The following YTHDF2 variants were observed in gnomAD, a reference collection of about 807,000 sequenced individuals.
YTHDF2 encodes YTH N6-methyladenosine RNA binding protein F2, also known as YTH domain-containing family protein 2.
YTHDF2 carries 2 observed loss-of-function variants against 50.4 expected under a neutral mutation model. The observed-to-expected ratio is 0.04, with a 90% confidence interval of 0.02 to 0.12. The LOEUF is 0.12. Ranked by LOEUF, YTHDF2 falls within the 10% of genes least tolerant of loss-of-function variation. The pLI, the probability that YTHDF2 is intolerant of heterozygous loss-of-function variation, is 1.00. For missense variants in YTHDF2, 483 were observed against 722.6 expected (o/e 0.67, Z 3.80); for synonymous variants, 217 against 255.6 (o/e 0.85, Z 1.44).
chr1:28,765,468 C>T (rs2088202260), intron 4 of YTHDF2, among the ~76,000 whole-genome samples: 1 of 152,040 alleles, frequency 6.6e-6, no homozygotes, highest in Admixed American at 6.6e-5. Context: ...CCCAGGCTGC[C>T]AGGCTAGAAT....
intron 4 of YTHDF2, among the ~76,000 whole-genome samples, chr1:28,747,183 G>A (rs978075596): frequency 6.6e-6 from 1 of 152,176 alleles, no homozygotes; most frequent in Non-Finnish European, 1.5e-5. Context: ...TGTAAGATTC[G>A]TTTGTTGGAA....
intron 4 of YTHDF2, among the ~76,000 whole-genome samples, chr1:28,761,545 C>T (rs931648379): frequency 3.3e-5 from 5 of 152,144 alleles, no homozygotes; most frequent in African/African-American, 9.7e-5. Context: ...CGAGACCATC[C>T]TGACCAACAT....
intron 4 of YTHDF2, among the ~76,000 whole-genome samples, chr1:28,756,265 G>A (rs2088034082): frequency 6.6e-6 from 1 of 152,162 alleles, no homozygotes; most frequent in Non-Finnish European, 1.5e-5. Flanking sequence ...TTTTGATTTT[G>A]ATGTGGCTAA....
Position 28,743,921 on chromosome 1 carries a change from A to G in YTHDF2, c.1651A>G (p.Thr551Ala). 6.3e-7 allele frequency: 1 copy of G among 1,592,954 alleles called. No homozygotes were observed. Among genetic ancestry groups the G allele is most frequent in the Non-Finnish European group, 8.5e-7 (1 of 1,171,622 alleles). Residue 551 changes from threonine (T) to alanine (A), a missense_variant, in exon 4 of 5, where the codon ACT becomes GCT. By Grantham distance (58) the Thr-to-Ala change is moderately conservative. This residue lies in a region of YTHDF2 where 38 missense variants were observed against 60.1 expected (regional missense o/e 0.63). Transcript: ENST00000373812. This position sits in a 1 kb window ranked among gnomAD's most constrained non-coding sequence, Gnocchi z 6.9. ...LKIIASYKHT[T>A]SIFDDFSHYE... The stretch of plus-strand genomic sequence containing the variant: ...AATTATAGCCAGCTACAAGCACACC[A>G]CTTCCATTTTTGATGACTTCTCACA...
At chr1:28,758,072 T>C (rs761431946) in intron 4 of YTHDF2, among the ~76,000 whole-genome samples, 7 of 152,210 alleles carry the variant, frequency 4.6e-5, no homozygotes, top group Non-Finnish European at 7.3e-5. Flanking sequence ...CCCAAGGCTC[T>C]TTTTGTTTTT....
At chr1:28,737,227 G>A in intron 1 of YTHDF2, 80 bp downstream of exon 1, 1 of 1,487,072 alleles carries the variant, frequency 6.7e-7, no homozygotes, top group South Asian at 1.3e-5. Flanking sequence ...CCGCTCCTGG[G>A]CAGGCCGAGC....
intron 1 of YTHDF2, 46 bp downstream of exon 1, chr1:28,737,193 G>A: frequency 1.3e-6 from 2 of 1,534,812 alleles, no homozygotes; most frequent in South Asian, 2.4e-5. Flanking sequence ...GAGGCGAGAA[G>A]GAGCCCGACT....
At chr1:28,740,055 T>A (rs2087752755) in intron 3 of YTHDF2, among the ~76,000 whole-genome samples, 1 of 152,196 alleles carries the variant, frequency 6.6e-6, no homozygotes, top group South Asian at 2.1e-4. Flanking sequence ...ACTTGTAGAA[T>A]CCCTGTGTAA....
At chr1:28,741,537 C>G (rs1376448611) in intron 3 of YTHDF2, among the ~76,000 whole-genome samples, 1 of 152,064 alleles carries the variant, frequency 6.6e-6, no homozygotes, top group Non-Finnish European at 1.5e-5. Context: ...CTCAAGTCAT[C>G]CACCCCTCTG....
intron 4 of YTHDF2, among the ~76,000 whole-genome samples, chr1:28,753,423 C>T (rs983209018): frequency 2.2e-5 from 3 of 135,166 alleles, no homozygotes; most frequent in African/African-American, 8.2e-5. Flanking sequence ...TGAGGCACAC[C>T]TGTAGTCCTA....
chr1:28,755,154 A>C (rs2124192133), intron 4 of YTHDF2, among the ~76,000 whole-genome samples: 1 of 152,224 alleles, frequency 6.6e-6, no homozygotes, highest in South Asian at 2.1e-4. Flanking sequence ...TGAGAGGAGC[A>C]GCAGTTTAGG....
At chr1:28,765,132 G>A (rs1433822851) in intron 4 of YTHDF2, among the ~76,000 whole-genome samples, 6 of 151,994 alleles carry the variant, frequency 3.9e-5, no homozygotes, top group African/African-American at 1.4e-4. Context: ...CTCCCCAGCA[G>A]CTGGGACTAT....
intron 4 of YTHDF2, among the ~76,000 whole-genome samples, chr1:28,746,541 G>A (rs1391474662): frequency 1.3e-5 from 2 of 148,688 alleles, no homozygotes; most frequent in African/African-American, 5.1e-5. Context: ...GCAGTTTGAA[G>A]CCAGCAGTTT....
At chr1:28,738,179 C>G in intron 2 of YTHDF2, 80 bp from the exon 3 acceptor site, 1 of 1,141,506 alleles carries the variant, frequency 8.8e-7, no homozygotes, top group Non-Finnish European at 1.3e-6. Context: ...TAAGGTTTTT[C>G]TCTGGTTAGC....
intron 4 of YTHDF2, among the ~76,000 whole-genome samples, chr1:28,766,060 A>G (rs995760688): frequency 6.6e-6 from 1 of 152,196 alleles, no homozygotes; most frequent in Non-Finnish European, 1.5e-5. Context: ...GTTCTAGTCC[A>G]CGAACATTTG....
At position 28,738,297 on chromosome 1, in the gene YTHDF2, G is replaced by A; in HGVS notation, c.91G>A (p.Asp31Asn). Residue 31 changes from aspartate to asparagine, a missense_variant, in exon 3 of 5, where the codon GAT (aspartate) becomes AAT (asparagine). By Grantham distance (23) the Asp-to-Asn change is conservative. Around this residue, in one of 4 missense-constraint regions of YTHDF2, gnomAD observed 385 missense variants for 475.8 expected, o/e 0.81. Transcript: ENST00000373812. The stretch of plus-strand genomic sequence containing the variant: ...TGTACATCAAAAGGATGGATTAAAC[G>A]ATGATGATTTTGAACCTTACTTGAG... ...GSVHQKDGLNDDDFEPYLSPQ... is the reference protein window; with the variant it reads ...GSVHQKDGLNNDDFEPYLSPQ... 6.2e-7 allele frequency: 1 copy of A among 1,614,046 alleles called. No individual in the cohort carries two copies. The highest frequency in any genetic ancestry group is 8.5e-7 in the Non-Finnish European group (1 of 1,179,998).
intron 4 of YTHDF2, among the ~76,000 whole-genome samples, chr1:28,756,300 T>C (rs2088035130): frequency 6.6e-6 from 1 of 152,190 alleles, no homozygotes; most frequent in African/African-American, 2.4e-5. Context: ...AGGACTGCTA[T>C]TTTTCCATGC....
At chr1:28,749,898 G>A (rs2087923452) in intron 4 of YTHDF2, among the ~76,000 whole-genome samples, 1 of 150,556 alleles carries the variant, frequency 6.6e-6, no homozygotes, top group South Asian at 2.1e-4. Context: ...CTAAAAAAAA[G>A]TCATTGGTAT....
chr1:28,737,556 C>G, intron 1 of YTHDF2, 102 bp from the exon 2 acceptor site: 2 of 1,530,162 alleles, frequency 1.3e-6, no homozygotes, highest in Admixed American at 1.8e-5. Flanking sequence ...CCCCTCGGGC[C>G]TGCTCCTTTA....
Sources: gnomAD v4.1 joint callset for allele counts (sites outside exome capture counted in the v4.1 genomes callset) on GRCh38, gnomAD v4.1.1 for gene constraint, gnomAD v4.1.1 regional missense constraint, Gnocchi (gnomAD v3.1) non-coding constraint, MANE v1.5 for transcripts, NCBI Gene and HGNC (gene_info 2026-07-23, HGNC 2026-07-21) for gene names.